Variants in EFL1 observed in about 807,000 individuals in gnomAD.
EFL1 encodes elongation factor like GTPase 1.
Under a neutral mutation model 126.7 loss-of-function variants are expected in EFL1, and 76 were observed. The ratio of observed to expected loss-of-function variants is 0.60; its 90% CI spans 0.50 to 0.73. EFL1 has a LOEUF of 0.73. Among genes scored for constraint, EFL1 ranks in the 30% least tolerant of loss-of-function variants. The pLI is 0.00. For synonymous variants in EFL1, 410 were observed against 448.4 expected (o/e 0.91, Z 1.08); for missense variants, 1,128 against 1,343.2 (o/e 0.84, Z 2.50).
chr15:82,201,853 A>G (rs1421181037), intron 15 of EFL1, among the ~76,000 whole-genome samples: 5 of 149,830 alleles, frequency 3.3e-5, no homozygotes, highest in Non-Finnish European at 5.9e-5. Flanking sequence ...GTAAGCTTGT[A>G]TTAATACATA....
chr15:82,191,426 T>C (rs1197605178), intron 15 of EFL1, among the ~76,000 whole-genome samples: 1 of 152,198 alleles, frequency 6.6e-6, no homozygotes, highest in Non-Finnish European at 1.5e-5. Flanking sequence ...CTTTGAAATA[T>C]AGAAGCTAAA....
chr15:82,175,662 T>C (rs1033128221), intron 15 of EFL1, among the ~76,000 whole-genome samples: 1 of 152,132 alleles, frequency 6.6e-6, no homozygotes, highest in East Asian at 1.9e-4. Flanking sequence ...AAGACCAGCC[T>C]GGCCAACATG....
intron 15 of EFL1, among the ~76,000 whole-genome samples, chr15:82,180,811 C>T (rs1233739394): frequency 6.6e-6 from 1 of 151,882 alleles, no homozygotes; most frequent in East Asian, 1.9e-4. Flanking sequence ...ACTGCAGCCC[C>T]TACCTTCCCA....
intron 15 of EFL1, among the ~76,000 whole-genome samples, chr15:82,177,621 G>C (rs1595962264): frequency 6.6e-6 from 1 of 152,156 alleles, no homozygotes; most frequent in East Asian, 1.9e-4. Context: ...GCTCAAAAAG[G>C]CTCAGAAAAC....
chr15:82,139,531 G>GA (rs1039095769), intron 18 of EFL1, among the ~76,000 whole-genome samples: 4 of 152,132 alleles, frequency 2.6e-5, no homozygotes, highest in Non-Finnish European at 5.9e-5. Context: ...TCACACTCAG[G>GA]AGGGAAACAT....
chr15:82,157,479 AC>A (rs2073980077), intron 17 of EFL1: 1 of 392,894 alleles, frequency 2.5e-6, no homozygotes, highest in African/African-American at 2.0e-5. Flanking sequence ...ACACAGAAAA[AC>A]ATTTTATGAC....
At chr15:82,192,481 A>G (rs2074369509) in intron 15 of EFL1, among the ~76,000 whole-genome samples, 1 of 152,200 alleles carries the variant, frequency 6.6e-6, no homozygotes, top group Non-Finnish European at 1.5e-5. Flanking sequence ...CGAAATAATT[A>G]AAATATAAGC....
intron 15 of EFL1, among the ~76,000 whole-genome samples, chr15:82,203,833 T>C (rs1420914621): frequency 6.6e-6 from 1 of 152,248 alleles, no homozygotes; most frequent in Non-Finnish European, 1.5e-5. Flanking sequence ...ACTTATCTAT[T>C]CTTCTGCCAA....
chr15:82,255,130 T>C (rs2075056064), intron 3 of EFL1, among the ~76,000 whole-genome samples: 1 of 152,362 alleles, frequency 6.6e-6, no homozygotes, highest in South Asian at 2.1e-4. Flanking sequence ...TGATCCACAG[T>C]GGAATAGTGC....
At chr15:82,239,463 A>C (rs1567075782) in intron 6 of EFL1, among the ~76,000 whole-genome samples, 1 of 152,058 alleles carries the variant, frequency 6.6e-6, no homozygotes, top group Non-Finnish European at 1.5e-5. Flanking sequence ...ACAACGAATG[A>C]TATCCATCCA....
chr15:82,149,546 T>C (rs1453989605), intron 18 of EFL1, among the ~76,000 whole-genome samples: 2 of 152,002 alleles, frequency 1.3e-5, no homozygotes, highest in African/African-American at 2.4e-5. Flanking sequence ...GGTTGGAGGG[T>C]ATGTGAGGTG....
In EFL1 at chr15:82,189,566, T is replaced by C. The variant is rs1567056681; in HGVS notation, c.1750+25151A>G. ...TCTGGATGTTCTAGAATATTTTCTT[T>C]AGTCTTCAAATTCATATTTTTCTCT... is the stretch of plus-strand genomic sequence containing the variant. On this transcript the variant is annotated intron_variant, in intron 15 of 19. Coordinates refer to ENST00000268206, the MANE Select transcript of EFL1 (RefSeq NM_024580.6). Among the ~76,000 whole-genome samples, 8 of 152,304 alleles carry C rather than the reference T, an allele frequency of 5.3e-5. No homozygotes were observed. The South Asian group carries it at 1.5e-3, about 28-fold the overall frequency.
chr15:82,180,613 T>C (rs946622834), intron 15 of EFL1, among the ~76,000 whole-genome samples: 20 of 152,294 alleles, frequency 1.3e-4, no homozygotes, highest in Non-Finnish European at 2.6e-4. Flanking sequence ...AGATATATTT[T>C]GATTTTTATA....
rs546203776 is a variant in EFL1 at position 82,262,656 on chromosome 15, G to C, written c.-62C>G. On this transcript the variant is annotated 5_prime_UTR_variant, in exon 1 of 20. Transcript: ENST00000268206. ...CCAGCCCCGCTCCTTCTCTCGGGTC[G>C]CACCCACACCGAGAGCTTCCGAAAG... 75 of 498,270 alleles carry C rather than the reference G, an allele frequency of 1.5e-4. 1 individual carries two copies. In the East Asian group the frequency reaches 2.9e-3, roughly 19 times the overall value. 30.9% of individuals were successfully genotyped at this position (498,270 alleles called of 1,614,324 possible). A position where few individuals can be genotyped will look rare whatever the true frequency, so the allele number is the denominator to read the frequency against.
At chr15:82,159,739 T>C (rs984545184) in intron 16 of EFL1, among the ~76,000 whole-genome samples, 1 of 152,200 alleles carries the variant, frequency 6.6e-6, no homozygotes, top group Admixed American at 6.5e-5. Context: ...GAAAACTAGA[T>C]GTTCACTATA....
intron 15 of EFL1, among the ~76,000 whole-genome samples, chr15:82,213,865 A>G (rs1408878341): frequency 5.9e-5 from 9 of 152,254 alleles, no homozygotes; most frequent in African/African-American, 2.2e-4. Context: ...ATGCCAAAAA[A>G]TTAAATAAAG....
chr15:82,197,283 T>A (rs6495644), intron 15 of EFL1, among the ~76,000 whole-genome samples: 1 of 151,924 alleles, frequency 6.6e-6, no homozygotes, highest in Non-Finnish European at 1.5e-5. Flanking sequence ...GACAGAAAAT[T>A]TACCTTTGAT....
intron 14 of EFL1, chr15:82,215,436 G>C (rs2074635370): frequency 6.6e-6 from 1 of 152,022 alleles, no homozygotes; most frequent in South Asian, 2.1e-4. Context: ...ACACTAATGA[G>C]AGGACAGAGT....
intron 14 of EFL1, among the ~76,000 whole-genome samples, chr15:82,219,413 C>T (rs1479284742): frequency 1.3e-5 from 2 of 152,162 alleles, no homozygotes; most frequent in Non-Finnish European, 2.9e-5. Context: ...AAGAGAAAAG[C>T]CTTATAATTA....
Sources: gnomAD v4.1 joint callset for allele counts (sites outside exome capture counted in the v4.1 genomes callset) on GRCh38, gnomAD v4.1.1 for gene constraint, MANE v1.5 for transcripts, NCBI Gene and HGNC (gene_info 2026-07-23, HGNC 2026-07-21) for gene names.